Variants in GOLGA4 observed in about 807,000 individuals in gnomAD.
GOLGA4 encodes golgin A4.
GOLGA4 carries 169 observed loss-of-function variants against 265.9 expected under a neutral mutation model. That is an observed-to-expected ratio of 0.64 (90% CI 0.56 to 0.72). The LOEUF is 0.72. Ranked by LOEUF, GOLGA4 falls within the 30% of genes least tolerant of loss-of-function variation. GOLGA4 has a pLI of 0.00. For missense variants in GOLGA4, 2,482 were observed against 2,483.4 expected (o/e 1.00, Z 0.01); for synonymous variants, 923 against 855.8 (o/e 1.08, Z -1.37).
intron 3 of GOLGA4, among the ~76,000 whole-genome samples, chr3:37,284,623 T>G (rs114100659): frequency 0.015 from 2,240 of 151,926 alleles, 51 homozygotes; most frequent in African/African-American, 0.051. Flanking sequence ...CAGAATTTCG[T>G]TTTTTATATT....
intron 16 of GOLGA4, among the ~76,000 whole-genome samples, chr3:37,329,544 T>A (rs559573393): frequency 1.3e-5 from 2 of 152,292 alleles, no homozygotes; most frequent in South Asian, 4.1e-4. Flanking sequence ...CTCTTATCTC[T>A]ACCCAGTGTG....
intron 17 of GOLGA4, 105 bp from the exon 18 acceptor site, chr3:37,337,038 C>T (rs2097015970): frequency 1.3e-6 from 1 of 752,992 alleles, no homozygotes; most frequent in Non-Finnish European, 2.2e-6. Flanking sequence ...CCTTGAGACT[C>T]TTAACCCTGA....
intron 2 of GOLGA4, chr3:37,276,019 C>T: frequency 6.2e-7 from 1 of 1,613,034 alleles, no homozygotes; most frequent in Non-Finnish European, 8.5e-7. Context: ...AAAGTACTTC[C>T]AGCGGCAATG....
At chr3:37,301,056 C>G (rs1265571409) in intron 9 of GOLGA4, among the ~76,000 whole-genome samples, 1 of 152,178 alleles carries the variant, frequency 6.6e-6, no homozygotes, top group African/African-American at 2.4e-5. Context: ...CTCTGTCTCT[C>G]CATTAATATT....
intron 10 of GOLGA4, among the ~76,000 whole-genome samples, chr3:37,310,018 C>G (rs1188189627): frequency 6.6e-6 from 1 of 152,200 alleles, no homozygotes; most frequent in Non-Finnish European, 1.5e-5. Context: ...TTTTGTAGTG[C>G]ATTTCATTCA....
chr3:37,272,037 AG>A (rs955300321), intron 2 of GOLGA4, among the ~76,000 whole-genome samples: 1 of 152,204 alleles, frequency 6.6e-6, no homozygotes, highest in African/African-American at 2.4e-5. Context: ...GGGACTGTCT[AG>A]TTGTAGGAAA....
At chr3:37,293,240 G>A (rs900640910) in intron 5 of GOLGA4, among the ~76,000 whole-genome samples, 5 of 152,246 alleles carry the variant, frequency 3.3e-5, no homozygotes, top group Non-Finnish European at 5.9e-5. Flanking sequence ...AGCCCAGGAC[G>A]GCTTTGAATG....
chr3:37,261,815 C>T (rs772886884), intron 2 of GOLGA4, among the ~76,000 whole-genome samples: 12 of 151,990 alleles, frequency 7.9e-5, no homozygotes, highest in African/African-American at 2.2e-4. Context: ...GACCAAGAAT[C>T]GAATCCAGCC....
intron 3 of GOLGA4, among the ~76,000 whole-genome samples, chr3:37,282,485 A>G (rs2096837482): frequency 6.6e-6 from 1 of 152,144 alleles, no homozygotes; most frequent in Non-Finnish European, 1.5e-5. Flanking sequence ...GACTCAGTAA[A>G]ATTTTGGAGA....
At chr3:37,330,603 A>C (rs1036913749) in intron 16 of GOLGA4, among the ~76,000 whole-genome samples, 2 of 152,182 alleles carry the variant, frequency 1.3e-5, no homozygotes, top group African/African-American at 4.8e-5. Context: ...GAAGTTAATG[A>C]AATTGTCCTT....
chr3:37,296,362 A>G (rs2096878355), intron 7 of GOLGA4, 143 bp downstream of exon 7: 8 of 720,584 alleles, frequency 1.1e-5, no homozygotes, highest in Non-Finnish European at 1.8e-5. Flanking sequence ...CCTGGGCAAC[A>G]TAGAGAAAAC....
chr3:37,360,714 A>G (rs1481682534), intron 22 of GOLGA4, among the ~76,000 whole-genome samples: 3 of 152,138 alleles, frequency 2.0e-5, no homozygotes, highest in African/African-American at 7.2e-5. Context: ...AGTTTGGGTC[A>G]CCATTCCTGA....
At chr3:37,322,997 T>C (rs2096959298) in intron 13 of GOLGA4, among the ~76,000 whole-genome samples, 1 of 152,132 alleles carries the variant, frequency 6.6e-6, no homozygotes, top group African/African-American at 2.4e-5. Flanking sequence ...TTTATTTCTT[T>C]TTACTATCCA....
chr3:37,337,179 CTTTT>C lies in GOLGA4; in HGVS notation c.6327+26_6327+29del. The C allele has an allele frequency of 1.9e-6, 2 of 1,073,178 alleles. No homozygotes were observed. The highest frequency in any genetic ancestry group is 1.6e-5 in the South Asian group (1 of 63,958). 66.5% of individuals were successfully genotyped at this position (1,073,178 alleles called of 1,614,324 possible). A position where few individuals can be genotyped will look rare whatever the true frequency, so the allele number is the denominator to read the frequency against. On this transcript the variant is annotated intron_variant, in intron 18 of 23. Transcript: ENST00000361924. Reference sequence around the variant, plus strand: ...GGAGCTACAGGTAAGGCTAGTTCTTCTTTTTTTTTTTTTCTTTTTTTTCTTTGAG... The same window carrying C: ...GGAGCTACAGGTAAGGCTAGTTCTTCTTTTTTTTTCTTTTTTTTCTTTGAG...
At chr3:37,265,778 C>T (rs1195397629) in intron 2 of GOLGA4, among the ~76,000 whole-genome samples, 4 of 152,026 alleles carry the variant, frequency 2.6e-5, no homozygotes, top group African/African-American at 7.2e-5. Context: ...TGGCTTATGC[C>T]TGTAATCCTA....
chr3:37,337,212 G>C, intron 18 of GOLGA4, 49 bp downstream of exon 18: 1 of 995,596 alleles, frequency 1.0e-6, no homozygotes. Flanking sequence ...CTTTGAGACA[G>C]ATTCTCACTC....
chr3:37,292,430 G>A (rs1350786094), intron 5 of GOLGA4, among the ~76,000 whole-genome samples: 1 of 152,192 alleles, frequency 6.6e-6, no homozygotes, highest in South Asian at 2.1e-4. Context: ...GCCTACGCCT[G>A]TAATCCCAGC....
intron 23 of GOLGA4, among the ~76,000 whole-genome samples, chr3:37,362,126 G>C (rs1696322026): frequency 1.3e-5 from 2 of 152,000 alleles, no homozygotes; most frequent in African/African-American, 4.8e-5. Context: ...CTCAGTGATT[G>C]TTAATATCCA....
intron 13 of GOLGA4, 150 bp from the exon 14 acceptor site, chr3:37,323,438 C>T: frequency 1.7e-6 from 1 of 571,880 alleles, no homozygotes; most frequent in Non-Finnish European, 3.1e-6. Context: ...TATATGATTC[C>T]TTTAGTAATT....
Sources: allele counts gnomAD v4.1 joint callset (sites outside exome capture counted in the v4.1 genomes callset), GRCh38; gene constraint gnomAD v4.1.1; transcripts MANE v1.5; gene names NCBI Gene and HGNC (gene_info 2026-07-23, HGNC 2026-07-21).